The following SMG6 variants were observed in gnomAD, a reference collection of about 807,000 sequenced individuals.
SMG6 encodes telomerase-binding protein EST1A.
In SMG6, 66 loss-of-function variants were observed where a neutral mutation model predicts 142.2. The observed-to-expected ratio is 0.46, with a 90% CI of 0.38 to 0.57. The LOEUF (loss-of-function observed/expected upper bound fraction) is 0.57, where lower values mean the gene tolerates loss of function less well. Among genes scored for constraint, SMG6 ranks in the 20% least tolerant of loss-of-function variants. SMG6 has a pLI of 0.00. For synonymous variants in SMG6, 779 were observed against 702.4 expected (o/e 1.11, Z -1.72); for missense variants, 1,793 against 1,832.0 (o/e 0.98, Z 0.39).
chr17:2,120,063 C>T (rs901750689), intron 13 of SMG6, among the ~76,000 whole-genome samples: 12 of 152,340 alleles, frequency 7.9e-5, no homozygotes, highest in African/African-American at 2.9e-4. Context: ...CCACCTCGGC[C>T]TCCCAAAGTG....
intron 10 of SMG6, among the ~76,000 whole-genome samples, chr17:2,226,523 G>C (rs2073323610): frequency 6.6e-6 from 1 of 151,796 alleles, no homozygotes; most frequent in African/African-American, 2.4e-5. Context: ...AGGTTGCAGT[G>C]AGCCAAGATC....
At chr17:2,276,689 G>A (rs2151369123) in intron 8 of SMG6, among the ~76,000 whole-genome samples, 1 of 151,552 alleles carries the variant, frequency 6.6e-6, no homozygotes, top group East Asian at 2.0e-4. Flanking sequence ...CCTGGCCTCT[G>A]TCCATCAAAT....
rs1462673052 is a variant in SMG6, at chr17:2,299,953, C to T, written c.800G>A (p.Ser267Asn). ...RSTSSAGSNN[S>N]AEGAGLTDNG... ...ATCCGTCAGGCCAGCTCCCTCAGCGCTGTTGTTGCTGCCAGCTGAGCTGGT... is the reference window on the plus strand; with the variant it reads ...ATCCGTCAGGCCAGCTCCCTCAGCGTTGTTGTTGCTGCCAGCTGAGCTGGT... The change falls in exon 2 of 19, where the codon AGC (serine) becomes AAC (asparagine). Residue 267 changes from serine (S) to asparagine (N), a missense_variant. Ser to Asn is a conservative substitution (Grantham distance 46). Around this residue, in one of 3 missense-constraint regions of SMG6, gnomAD observed 1,597 missense variants for 1,584.6 expected, o/e 1.01. Coordinates refer to ENST00000263073, the MANE Select transcript of SMG6 (RefSeq NM_017575.5). This position sits in a 1 kb window ranked among gnomAD's most constrained non-coding sequence, Gnocchi z 4.3. The T allele has an allele frequency of 1.4e-5, 23 of 1,614,132 alleles. No individual in the cohort carries two copies. The highest frequency in any genetic ancestry group is 1.9e-5 in the Non-Finnish European group (23 of 1,180,036).
intron 10 of SMG6, among the ~76,000 whole-genome samples, chr17:2,227,851 A>C (rs2073362055): frequency 1.3e-5 from 2 of 152,350 alleles, no homozygotes; most frequent in South Asian, 4.1e-4. Flanking sequence ...AAGAGAAAAC[A>C]ACCGAAATGC....
At position 2,292,533 on chromosome 17, in the gene SMG6, T is replaced by G; in HGVS notation, c.2337+19A>C. Reference sequence around the variant, plus strand: ...TACTTCCTGCAAAGCACTTTTCCCCTGTCCACAGGATTTCTTACCGTATAC... The same window carrying G: ...TACTTCCTGCAAAGCACTTTTCCCCGGTCCACAGGATTTCTTACCGTATAC... On this transcript the variant is annotated intron_variant, in intron 6 of 18. Coordinates refer to ENST00000263073, the MANE Select transcript of SMG6 (RefSeq NM_017575.5). 6.2e-7 allele frequency: 1 copy of G among 1,612,674 alleles called. No homozygotes were observed. Among genetic ancestry groups the G allele is most frequent in the Non-Finnish European group, 8.5e-7 (1 of 1,179,078 alleles).
At chr17:2,217,119 G>A (rs897989217) in intron 10 of SMG6, among the ~76,000 whole-genome samples, 2 of 152,122 alleles carry the variant, frequency 1.3e-5, no homozygotes, top group Non-Finnish European at 2.9e-5. Flanking sequence ...AACAGGTTTG[G>A]AAATGGTTAA....
intron 13 of SMG6, among the ~76,000 whole-genome samples, chr17:2,126,285 T>C (rs2069874749): frequency 6.6e-6 from 1 of 151,894 alleles, no homozygotes; most frequent in South Asian, 2.1e-4. Flanking sequence ...TAAGACCATA[T>C]ACAAAAACAA....
chr17:2,071,520 G>A lies in SMG6; in HGVS notation c.3682-2589C>T, dbSNP rs1048282054. On this transcript the variant is annotated intron_variant, in intron 15 of 18. Transcript: ENST00000263073. This position sits in a 1 kb window ranked among gnomAD's most constrained non-coding sequence, Gnocchi z 5.6. Reference sequence around the variant, plus strand: ...AATAGGCCGCAGCCTTTCAGAGGGGGCTTCCCTGGGTGTGGGGTGGGGCCA... The same window carrying A: ...AATAGGCCGCAGCCTTTCAGAGGGGACTTCCCTGGGTGTGGGGTGGGGCCA... Among the ~76,000 whole-genome samples, 4 of 152,330 alleles carry A rather than the reference G, an allele frequency of 2.6e-5. No individual in the cohort carries two copies. The East Asian group carries it at 7.7e-4, about 29-fold the overall frequency.
chr17:2,299,059 C>T lies in SMG6; in HGVS notation c.1694G>A (p.Ser565Asn). 2 of 1,614,178 alleles carry T rather than the reference C, an allele frequency of 1.2e-6. No individual in the cohort carries two copies. The highest frequency in any genetic ancestry group is 1.1e-5 in the South Asian group (1 of 91,088). The part of the protein sequence containing the change: ...VCSPLPTSTM[S>N]PEEVEQHMRN... ...CATGTGCTGCTCTACCTCCTCGGGA[C>T]TCATGGTGCTGGTAGGTAGAGGGCT... The change falls in exon 2 of 19, where the codon AGT (serine) becomes AAT (asparagine). Residue 565 changes from serine (S) to asparagine (N), a missense_variant. Coordinates refer to ENST00000263073, the MANE Select transcript of SMG6 (RefSeq NM_017575.5). This position sits in a 1 kb window ranked among gnomAD's most constrained non-coding sequence, Gnocchi z 4.3.
intron 13 of SMG6, among the ~76,000 whole-genome samples, chr17:2,112,408 T>C (rs1358447533): frequency 1.3e-5 from 2 of 151,350 alleles, no homozygotes; most frequent in South Asian, 2.1e-4. Context: ...CTCGGGAGGC[T>C]GAGGCAGGAG....
intron 9 of SMG6, among the ~76,000 whole-genome samples, chr17:2,243,098 G>C (rs34166400): frequency 0.042 from 6,434 of 152,218 alleles, 211 homozygotes; most frequent in Non-Finnish European, 0.066. Context: ...GATGCATCTA[G>C]TTTACTTTGC....
At chr17:2,155,023 CAAAA>C (rs1294174178) in intron 13 of SMG6, among the ~76,000 whole-genome samples, 1 of 148,110 alleles carries the variant, frequency 6.8e-6, no homozygotes, top group Admixed American at 6.7e-5. Flanking sequence ...GATGTTGTCT[CAAAA>C]AAAACAAAGT....
At chr17:2,118,667 A>G (rs2151512240) in intron 13 of SMG6, among the ~76,000 whole-genome samples, 1 of 148,948 alleles carries the variant, frequency 6.7e-6, no homozygotes, top group South Asian at 2.1e-4. Context: ...GCTGAAGTGC[A>G]GTGGTGCAAA....
intron 10 of SMG6, among the ~76,000 whole-genome samples, chr17:2,195,008 G>A (rs2072280367): frequency 6.6e-6 from 1 of 152,198 alleles, no homozygotes; most frequent in African/African-American, 2.4e-5. Context: ...AGACACTTCA[G>A]GGGGTCAGAA....
chr17:2,109,561 GCCTTT>G (rs1453732354), intron 13 of SMG6, among the ~76,000 whole-genome samples: 1 of 152,168 alleles, frequency 6.6e-6, no homozygotes, highest in East Asian at 1.9e-4. Flanking sequence ...ACCGTGCATG[GCCTTT>G]CTCATTCTTT....
intron 13 of SMG6, among the ~76,000 whole-genome samples, chr17:2,110,976 C>G (rs1424866054): frequency 1.3e-5 from 2 of 152,194 alleles, no homozygotes; most frequent in Non-Finnish European, 2.9e-5. Flanking sequence ...GGCCGCTACG[C>G]CCACCTTCAG....
At chr17:2,154,217 T>C (rs1016789277) in intron 13 of SMG6, among the ~76,000 whole-genome samples, 9 of 146,744 alleles carry the variant, frequency 6.1e-5, no homozygotes, top group African/African-American at 2.1e-4. Flanking sequence ...ACGCAGAGTG[T>C]GACGGTGACT....
At chr17:2,302,536 G>C (rs917786780) in intron 1 of SMG6, among the ~76,000 whole-genome samples, 1 of 152,166 alleles carries the variant, frequency 6.6e-6, no homozygotes, top group Admixed American at 6.5e-5. Flanking sequence ...GCTAGACTCC[G>C]TCTCAAAAAA....
intron 13 of SMG6, among the ~76,000 whole-genome samples, chr17:2,126,705 G>A (rs1206709986): frequency 6.8e-6 from 1 of 147,850 alleles, no homozygotes; most frequent in Non-Finnish European, 1.5e-5. Flanking sequence ...AACAGAGTGA[G>A]GCTCAGTTTC....
Sources: gnomAD v4.1 joint callset for allele counts (sites outside exome capture counted in the v4.1 genomes callset) on GRCh38, gnomAD v4.1.1 for gene constraint, gnomAD v4.1.1 regional missense constraint, Gnocchi (gnomAD v3.1) non-coding constraint, MANE v1.5 for transcripts, NCBI Gene and HGNC (gene_info 2026-07-23, HGNC 2026-07-21) for gene names.